RAB5A: variants seen among roughly 807,000 people sequenced by gnomAD.
RAB5A encodes RAB5A, member RAS oncogene family.
RAB5A carries 8 observed loss-of-function variants against 25.7 expected under a neutral mutation model. The ratio of observed to expected loss-of-function variants is 0.31; its 90% CI spans 0.18 to 0.56. The LOEUF is 0.56. RAB5A is among the 20% of genes least tolerant of loss of function. The probability of loss-of-function intolerance (pLI) is 0.91; values close to 1 mark genes in which losing one functional copy is unlikely to be tolerated. For missense variants in RAB5A, 192 were observed against 259.7 expected, an observed-to-expected ratio of 0.74 and a Z score of 1.79; for synonymous variants, 98 against 89.8, an observed-to-expected ratio of 1.09 and a Z score of -0.52.
At chr3:19,973,442 C>G (rs976059681) in intron 2 of RAB5A, among the ~76,000 whole-genome samples, 2 of 148,448 alleles carry the variant, frequency 1.3e-5, no homozygotes, top group African/African-American at 4.9e-5. Flanking sequence ...TGTATTGTGA[C>G]TTATTTTCCT....
chr3:19,976,762 C>T (rs1696830669), intron 4 of RAB5A, among the ~76,000 whole-genome samples: 1 of 152,146 alleles, frequency 6.6e-6, no homozygotes, highest in African/African-American at 2.4e-5. Flanking sequence ...CTAATTCCTC[C>T]ATCCCACACA....
At position 19,983,853 on chromosome 3, in the gene RAB5A, T is replaced by G; in HGVS notation, c.*30T>G. 7.1e-7 allele frequency: 1 copy of G among 1,398,806 alleles called. No individual in the cohort carries two copies. The highest frequency in any genetic ancestry group is 1.0e-6 in the Non-Finnish European group (1 of 994,646). 86.6% of individuals were successfully genotyped at this position (1,398,806 alleles called of 1,614,324 possible). On this transcript the variant is annotated 3_prime_UTR_variant, in exon 6 of 6. Transcript: ENST00000273047. ...CTAGTTTGAACTAGCTGGAATAGTC[T>G]TCTGCTTCCTAAATGTTAATAACAA...
chr3:19,970,976 C>A (rs1696740938), intron 2 of RAB5A, among the ~76,000 whole-genome samples: 1 of 152,058 alleles, frequency 6.6e-6, no homozygotes, highest in Non-Finnish European at 1.5e-5. Flanking sequence ...GCGGATGGAT[C>A]ACCAGAGGTC....
intron 2 of RAB5A, chr3:19,970,769 C>G (rs1266681430): frequency 6.8e-6 from 2 of 293,760 alleles, no homozygotes; most frequent in African/African-American, 2.2e-5. Flanking sequence ...GTAGTTTTAT[C>G]TTTTCAGTGG....
At position 19,984,522 on chromosome 3, in the gene RAB5A, G is replaced by A. The variant is rs1448591621; in HGVS notation, c.*699G>A. On this transcript the variant is annotated 3_prime_UTR_variant, in exon 6 of 6. Coordinates refer to ENST00000273047, the MANE Select transcript of RAB5A (RefSeq NM_004162.5). Reference sequence around the variant, plus strand: ...TGGTCAGTGTTCCTTTCAAACATGTGAGTTCTTTAACAAAAATGAAATAAA... The same window carrying A: ...TGGTCAGTGTTCCTTTCAAACATGTAAGTTCTTTAACAAAAATGAAATAAA... The A allele has an allele frequency of 5.5e-6, 1 of 181,518 alleles. No homozygotes were observed. Among genetic ancestry groups the A allele is most frequent in the African/African-American group, 2.4e-5 (1 of 41,462 alleles). The allele number at this position is 181,518 out of a possible 1,614,324, so 11.2% of individuals were successfully genotyped here.
At position 19,976,048 on chromosome 3, in the gene RAB5A, A is replaced by G. The variant is rs1324344650; in HGVS notation, c.317A>G (p.Glu106Gly). ...AATGGCTGTTTCTTTGTTTAACAGG[A>G]GTCCTTTGCAAGAGCAAAAAATTGG... ...AIVVYDITNE[E>G]SFARAKNWVK... The change falls in exon 4 of 6, where the codon GAG becomes GGG. Residue 106 changes from glutamate (E) to glycine (G), a missense_variant and splice_region_variant. Glu to Gly is a moderately conservative substitution (Grantham distance 98). This residue lies in a region of RAB5A where 121 missense variants were observed against 135.7 expected (regional missense o/e 0.89). Coordinates refer to ENST00000273047, the MANE Select transcript of RAB5A (RefSeq NM_004162.5). 1.2e-6 allele frequency: 2 copies of G among 1,609,648 alleles called. No homozygotes were observed. The highest frequency in any genetic ancestry group is 2.7e-5 in the African/African-American group (2 of 74,660).
intron 2 of RAB5A, among the ~76,000 whole-genome samples, chr3:19,957,336 C>G (rs1337629476): frequency 6.6e-6 from 1 of 152,038 alleles, no homozygotes; most frequent in Non-Finnish European, 1.5e-5. Context: ...ATAATGTGTA[C>G]TTGAAAACTG....
intron 2 of RAB5A, 150 bp downstream of exon 2, chr3:19,951,211 C>G: frequency 1.2e-6 from 1 of 812,478 alleles, no homozygotes; most frequent in Non-Finnish European, 1.8e-6. Context: ...TAAAACTTGC[C>G]TTTATCTTTG....
rs748204519 is a variant in RAB5A, at chr3:19,983,753, C to T, written c.578C>T (p.Ser193Phe). ...KNEPQNPGANSARGRGVDLTE... is the reference protein window; with the variant it reads ...KNEPQNPGANFARGRGVDLTE... ...GAACCACAAAATCCAGGAGCAAATT[C>T]TGCCAGAGGAAGAGGAGTAGACCTT... The change falls in exon 6 of 6, where the codon TCT (serine) becomes TTT (phenylalanine). Residue 193 changes from serine (S) to phenylalanine (F), a missense_variant. Coordinates refer to ENST00000273047, the MANE Select transcript of RAB5A (RefSeq NM_004162.5). 1 of 1,612,496 alleles carries T rather than the reference C, an allele frequency of 6.2e-7. No homozygotes were observed. The highest frequency in any genetic ancestry group is 8.5e-7 in the Non-Finnish European group (1 of 1,179,122).
At chr3:19,961,394 A>G (rs1696582300) in intron 2 of RAB5A, among the ~76,000 whole-genome samples, 4 of 152,064 alleles carry the variant, frequency 2.6e-5, no homozygotes, top group Admixed American at 2.6e-4. Context: ...GCAAGAACCT[A>G]TCAGACTAGA....
intron 3 of RAB5A, 142 bp from the exon 4 acceptor site, chr3:19,975,905 A>AT: frequency 1.5e-6 from 2 of 1,364,488 alleles, no homozygotes; most frequent in Non-Finnish European, 2.0e-6. Context: ...TTAAAAAAAA[A>AT]CGAAAATGTC....
chr3:19,950,917 A>T lies in RAB5A; in HGVS notation c.19A>T (p.Thr7Ser). The change falls in exon 2 of 6, where the codon ACA becomes TCA. Residue 7 changes from threonine to serine, a missense_variant. Around this residue, in one of 3 missense-constraint regions of RAB5A, gnomAD observed 32 missense variants for 32.4 expected, o/e 0.99. Coordinates refer to ENST00000273047, the MANE Select transcript of RAB5A (RefSeq NM_004162.5). MASRGA[T>S]RPNGPNTGNK... ...TTTGGACATGGCTAGTCGAGGCGCAACAAGACCCAACGGGCCAAATACGGG... is the reference window on the plus strand; with the variant it reads ...TTTGGACATGGCTAGTCGAGGCGCATCAAGACCCAACGGGCCAAATACGGG... 1.2e-6 allele frequency: 2 copies of T among 1,612,910 alleles called. No homozygotes were observed. The highest frequency in any genetic ancestry group is 1.7e-6 in the Non-Finnish European group (2 of 1,179,572).
Position 19,983,999 on chromosome 3 carries a change from G to GCATA in RAB5A, c.*176_*177insCATA. ...GAACTTAATTTTTAATAACATGCAT[G>GCATA]GGTCCCTCTCACTAATGTTTCAACA... On this transcript the variant is annotated 3_prime_UTR_variant, in exon 6 of 6. Transcript: ENST00000273047. 1.8e-6 allele frequency: 1 copy of GCATA among 559,128 alleles called. No individual in the cohort carries two copies. The allele number at this position is 559,128 out of a possible 1,614,324, so 34.6% of individuals were successfully genotyped here.
intron 4 of RAB5A, among the ~76,000 whole-genome samples, chr3:19,977,629 G>T (rs950939161): frequency 1.3e-5 from 2 of 152,188 alleles, no homozygotes; most frequent in African/African-American, 4.8e-5. Context: ...CCCAGCACAA[G>T]AGTGGCAGAG....
intron 2 of RAB5A, among the ~76,000 whole-genome samples, chr3:19,955,896 T>TA (rs560939787): frequency 1.2e-4 from 18 of 149,156 alleles, no homozygotes; most frequent in Non-Finnish European, 1.8e-4. Context: ...GACTCCGTCT[T>TA]AAAAAAAAAA....
chr3:19,972,411 C>T (rs1696764217), intron 2 of RAB5A, among the ~76,000 whole-genome samples: 2 of 152,062 alleles, frequency 1.3e-5, no homozygotes, highest in Non-Finnish European at 2.9e-5. Flanking sequence ...AGGTGTGAAA[C>T]GTTATTACAC....
chr3:19,951,689 C>T (rs538558923), intron 2 of RAB5A, among the ~76,000 whole-genome samples: 4 of 87,018 alleles, frequency 4.6e-5, no homozygotes, highest in Non-Finnish European at 1.0e-4. Flanking sequence ...TGCATGCCAC[C>T]ATGCCAGGCA....
At chr3:19,959,826 G>A (rs6550239) in intron 2 of RAB5A, among the ~76,000 whole-genome samples, 109,068 of 151,892 alleles carry the variant, frequency 0.72, 39,829 homozygotes, top group Non-Finnish European at 0.77. Flanking sequence ...ACGTCTTGCT[G>A]TGTTGCCCAA....
At chr3:19,959,121 T>C (rs745730962) in intron 2 of RAB5A, among the ~76,000 whole-genome samples, 5 of 152,200 alleles carry the variant, frequency 3.3e-5, no homozygotes, top group Non-Finnish European at 7.3e-5. Flanking sequence ...CTCTGGTGCT[T>C]TGGAAGTATT....
Sources: allele counts gnomAD v4.1 joint callset (sites outside exome capture counted in the v4.1 genomes callset), GRCh38; gene constraint gnomAD v4.1.1; regional missense constraint gnomAD v4.1.1; transcripts MANE v1.5; gene names NCBI Gene and HGNC (gene_info 2026-07-23, HGNC 2026-07-21).